Variants in NPAT observed in about 807,000 individuals in gnomAD.
NPAT encodes nuclear protein, coactivator of histone transcription.
In NPAT, 52 loss-of-function variants were observed where a neutral mutation model predicts 130.7. That is an observed-to-expected ratio of 0.40 (90% CI 0.32 to 0.50). NPAT has a LOEUF of 0.50. Among genes scored for constraint, NPAT ranks in the 20% least tolerant of loss-of-function variants. NPAT has a pLI of 0.68. For synonymous variants in NPAT, 580 were observed against 584.8 expected, an observed-to-expected ratio of 0.99 and a Z score of 0.12; for missense variants, 1,687 against 1,662.6, an observed-to-expected ratio of 1.01 and a Z score of -0.26.
At chr11:108,181,059 A>T (rs2078053691) in intron 10 of NPAT, among the ~76,000 whole-genome samples, 1 of 152,238 alleles carries the variant, frequency 6.6e-6, no homozygotes, top group Non-Finnish European at 1.5e-5. Context: ...AGTTGTAAAT[A>T]AGAGCTTTAC....
At chr11:108,181,058 T>A (rs1369680371) in intron 10 of NPAT, among the ~76,000 whole-genome samples, 1 of 152,190 alleles carries the variant, frequency 6.6e-6, no homozygotes, top group Non-Finnish European at 1.5e-5. Context: ...GAGTTGTAAA[T>A]AAGAGCTTTA....
At chr11:108,209,188 G>T (rs1214965746) in intron 1 of NPAT, among the ~76,000 whole-genome samples, 1 of 152,198 alleles carries the variant, frequency 6.6e-6, no homozygotes, top group Admixed American at 6.5e-5. Context: ...GCTGAGGCAG[G>T]AGAACTGCGT....
intron 15 of NPAT, among the ~76,000 whole-genome samples, chr11:108,166,592 C>A (rs1194050165): frequency 6.6e-6 from 1 of 152,094 alleles, no homozygotes; most frequent in Non-Finnish European, 1.5e-5. Context: ...ATATATTATA[C>A]CATCCATCTT....
chr11:108,176,845 C>A, intron 11 of NPAT, 149 bp downstream of exon 11: 1 of 610,154 alleles, frequency 1.6e-6, no homozygotes, highest in South Asian at 1.9e-5. Context: ...AAACAACAAA[C>A]ACTCCTTTAA....
intron 6 of NPAT, 117 bp downstream of exon 6, chr11:108,188,989 T>C: frequency 1.2e-6 from 1 of 812,456 alleles, no homozygotes; most frequent in Non-Finnish European, 2.1e-6. Context: ...TTAGTCTCTC[T>C]CATCTTTTAT....
chr11:108,209,825 C>T (rs1173407885), intron 1 of NPAT, among the ~76,000 whole-genome samples: 1 of 143,034 alleles, frequency 7.0e-6, no homozygotes, highest in Non-Finnish European at 1.5e-5. Flanking sequence ...GGAGGCAGAG[C>T]TTGCAGTGAG....
intron 1 of NPAT, among the ~76,000 whole-genome samples, chr11:108,205,877 T>C (rs2134886960): frequency 6.6e-6 from 1 of 152,186 alleles, no homozygotes; most frequent in South Asian, 2.1e-4. Context: ...ACCCCATCTC[T>C]ACTAAAAATA....
Position 108,186,589 on chromosome 11 carries a change from C to T in NPAT, c.639-20G>A. 3 of 1,587,038 alleles carry T rather than the reference C, an allele frequency of 1.9e-6. No individual in the cohort carries two copies. Among genetic ancestry groups the T allele is most frequent in the Non-Finnish European group, 2.6e-6 (3 of 1,155,764 alleles). On this transcript the variant is annotated intron_variant, in intron 7 of 17. Transcript: ENST00000278612. The stretch of plus-strand genomic sequence containing the variant: ...GATTCACTGAAACACATTTTAAAAG[C>T]TTTTCTTTTAACCACTATATTTAAC...
In NPAT at chr11:108,201,781, G is replaced by T. The variant is rs77670540; in HGVS notation, c.38-4361C>A. The stretch of plus-strand genomic sequence containing the variant: ...AAATATTAAGCTGTGCTATTAGAGA[G>T]ATCTGCAGTTAAGAATCTGTCCTTC... On this transcript the variant is annotated intron_variant, in intron 1 of 17. Transcript: ENST00000278612. Among the ~76,000 whole-genome samples the T allele has an allele frequency of 1.5e-3, 228 of 152,350 alleles. 2 individuals carry two copies. In the East Asian group the frequency reaches 0.027, roughly 18 times the overall value.
chr11:108,160,525 T>C (rs1479952065), intron 17 of NPAT, among the ~76,000 whole-genome samples: 1 of 151,850 alleles, frequency 6.6e-6, no homozygotes, highest in African/African-American at 2.4e-5. Flanking sequence ...GTCACGCTCA[T>C]GAAAAAACTT....
intron 11 of NPAT, 77 bp from the exon 12 acceptor site, chr11:108,176,451 A>AT: frequency 9.2e-7 from 1 of 1,086,014 alleles, no homozygotes; most frequent in Middle Eastern, 2.8e-4. Flanking sequence ...CTTGTTGGTG[A>AT]TTACGCAAAT....
chr11:108,180,153 C>T (rs2078046096), intron 10 of NPAT, among the ~76,000 whole-genome samples: 1 of 152,016 alleles, frequency 6.6e-6, no homozygotes, highest in Non-Finnish European at 1.5e-5. Context: ...ATGACAAAAC[C>T]CTGTCTCTGT....
At position 108,158,803 on chromosome 11, in the gene NPAT, A is replaced by G. The variant is rs950444676; in HGVS notation, c.*139T>C. On this transcript the variant is annotated 3_prime_UTR_variant, in exon 18 of 18. Transcript: ENST00000278612. ...ACTAGGAAGCTGTTTCAGAAACAGCATGATTTAGATATAAAGTGAAGTTTC... is the reference window on the plus strand; with the variant it reads ...ACTAGGAAGCTGTTTCAGAAACAGCGTGATTTAGATATAAAGTGAAGTTTC... 3.2e-6 allele frequency: 2 copies of G among 617,588 alleles called. No homozygotes were observed. Among genetic ancestry groups the G allele is most frequent in the Non-Finnish European group, 5.8e-6 (2 of 343,292 alleles). 38.3% of individuals were successfully genotyped at this position (617,588 alleles called of 1,614,324 possible).
At chr11:108,166,354 T>C (rs572761044) in intron 15 of NPAT, among the ~76,000 whole-genome samples, 37 of 152,256 alleles carry the variant, frequency 2.4e-4, no homozygotes, top group Non-Finnish European at 4.3e-4. Context: ...ATCATGCCAC[T>C]GCATTCCAGT....
At position 108,171,732 on chromosome 11, in the gene NPAT, C is replaced by T. The variant is rs7120405; in HGVS notation, c.2785+467G>A. 5.6e-3 allele frequency: 879 copies of T among 158,318 alleles called. 8 individuals are homozygous for T. Among genetic ancestry groups the T allele is most frequent in the African/African-American group, 0.02 (843 of 41,566 alleles). 9.8% of individuals were successfully genotyped at this position (158,318 alleles called of 1,614,324 possible). On this transcript the variant is annotated intron_variant, in intron 13 of 17. Coordinates refer to ENST00000278612, the MANE Select transcript of NPAT (RefSeq NM_002519.3). ...AAACTCCTGACCTCAGGTGATCGAT[C>T]GGCCCACCTCGGCCTCCCAAAGTGC...
chr11:108,176,512 A>G (rs953115936), intron 11 of NPAT, 138 bp from the exon 12 acceptor site: 1 of 678,424 alleles, frequency 1.5e-6, no homozygotes, highest in Non-Finnish European at 2.5e-6. Flanking sequence ...GTTGCTTTTA[A>G]TATCATTTAC....
At chr11:108,216,093 T>C (rs1052889601) in intron 1 of NPAT, among the ~76,000 whole-genome samples, 1 of 148,642 alleles carries the variant, frequency 6.7e-6, no homozygotes, top group Non-Finnish European at 1.5e-5. Context: ...AATTTAAAAC[T>C]TCTACAGACT....
At chr11:108,181,026 G>C (rs758737731) in intron 10 of NPAT, among the ~76,000 whole-genome samples, 1 of 152,148 alleles carries the variant, frequency 6.6e-6, no homozygotes, top group Non-Finnish European at 1.5e-5. Flanking sequence ...GGTTGGCAGG[G>C]GATAGGAAAA....
At chr11:108,167,845 T>C (rs996301929) in intron 15 of NPAT, among the ~76,000 whole-genome samples, 2 of 152,162 alleles carry the variant, frequency 1.3e-5, no homozygotes, top group Non-Finnish European at 2.9e-5. Context: ...CTGTGATATG[T>C]TACTAATAAA....
Sources: allele counts gnomAD v4.1 joint callset (sites outside exome capture counted in the v4.1 genomes callset), GRCh38; gene constraint gnomAD v4.1.1; transcripts MANE v1.5; gene names NCBI Gene and HGNC (gene_info 2026-07-23, HGNC 2026-07-21).